The following RCL1 variants were observed in gnomAD, a reference collection of about 807,000 sequenced individuals.
RCL1 encodes the protein RNA 3'-terminal phosphate cyclase-like protein.
Under a neutral mutation model 42.4 loss-of-function variants are expected in RCL1, and 24 were observed. The ratio of observed to expected loss-of-function variants is 0.57; its 90% CI spans 0.41 to 0.80. The LOEUF is 0.80. RCL1 is among the 30% of genes least tolerant of loss of function. The pLI is 0.00. For missense variants in RCL1, 578 were observed against 467.9 expected (o/e 1.24, Z -2.17); for synonymous variants, 228 against 177.3 (o/e 1.29, Z -2.27).
intron 8 of RCL1, among the ~76,000 whole-genome samples, chr9:4,856,490 T>G (rs1245507800): frequency 6.6e-6 from 1 of 152,184 alleles, no homozygotes; most frequent in Non-Finnish European, 1.5e-5. Context: ...CTGAGAACCT[T>G]ATACAGTACC....
At chr9:4,855,097 C>T (rs977788935) in intron 8 of RCL1, among the ~76,000 whole-genome samples, 1 of 150,770 alleles carries the variant, frequency 6.6e-6, no homozygotes, top group Non-Finnish European at 1.5e-5. Flanking sequence ...CTCTGTGCTC[C>T]AGAATTCTCT....
At chr9:4,821,339 G>C (rs1816590211) in intron 1 of RCL1, among the ~76,000 whole-genome samples, 1 of 152,154 alleles carries the variant, frequency 6.6e-6, no homozygotes, top group South Asian at 2.1e-4. Context: ...CTGGTCATAT[G>C]ATCAGGGCAG....
intron 1 of RCL1, among the ~76,000 whole-genome samples, chr9:4,821,807 C>T (rs372980988): frequency 6.6e-6 from 1 of 152,216 alleles, no homozygotes; most frequent in African/African-American, 2.4e-5. Flanking sequence ...GCAGCCCACT[C>T]TTGTGATATA....
rs774361166 is a variant in RCL1 at position 4,826,990 on chromosome 9, A to C, written c.341A>C (p.Lys114Thr). The C allele has an allele frequency of 1.2e-6, 2 of 1,614,106 alleles. No individual in the cohort carries two copies. Among genetic ancestry groups the C allele is most frequent in the South Asian group, 2.2e-5 (2 of 91,072 alleles). Residue 114 changes from lysine (K) to threonine (T), a missense_variant, in exon 3 of 9, where the codon AAA becomes ACA. Lys to Thr is a moderately conservative substitution (Grantham distance 78). Transcript: ENST00000381750. Reference protein sequence around the residue: ...CLAPFMKHPLKIVLRGVTNDQ... With the variant: ...CLAPFMKHPLTIVLRGVTNDQ... ...GCTCCATTTATGAAGCACCCGTTAA[A>C]AATAGTTCTACGAGGAGTGACCAAT... is the stretch of plus-strand genomic sequence containing the variant.
At chr9:4,830,611 A>G (rs1220037643) in intron 3 of RCL1, among the ~76,000 whole-genome samples, 1 of 152,216 alleles carries the variant, frequency 6.6e-6, no homozygotes, top group African/African-American at 2.4e-5. Context: ...TGAAGATTCC[A>G]TTCTTTTCCA....
intron 8 of RCL1, among the ~76,000 whole-genome samples, chr9:4,851,064 T>A (rs2129716825): frequency 6.6e-6 from 1 of 152,318 alleles, no homozygotes; most frequent in Middle Eastern, 3.4e-3. Flanking sequence ...TCAATTTGGC[T>A]CCAGGACCTG....
chr9:4,839,552 TGCTTGGTCCAAAGGGTATGAGATTCAGG>T, intron 5 of RCL1: 1 of 500,926 alleles, frequency 2.0e-6, no homozygotes, highest in Non-Finnish European at 2.6e-6. Context: ...GGACAGCACC[TGCTTGGTCCAAAGGGTATGAGATTCAGG>T]ACTGTTTGTC....
chr9:4,850,035 G>GA (rs1817674065), intron 8 of RCL1, among the ~76,000 whole-genome samples: 1 of 152,218 alleles, frequency 6.6e-6, no homozygotes, highest in African/African-American at 2.4e-5. Context: ...TTGGATTGTT[G>GA]AATGTTAGCA....
chr9:4,854,909 C>T (rs183890963), intron 8 of RCL1, among the ~76,000 whole-genome samples: 10 of 152,096 alleles, frequency 6.6e-5, no homozygotes, highest in Non-Finnish European at 1.2e-4. Flanking sequence ...CAAAATTAGC[C>T]GGGCGTGGTG....
At chr9:4,804,555 G>A (rs1378867594) in intron 1 of RCL1, 1 of 152,472 alleles carries the variant, frequency 6.6e-6, no homozygotes, top group Non-Finnish European at 1.5e-5. Context: ...CAGTCGCCCA[G>A]GGGTCTCACG....
At chr9:4,829,487 T>C (rs1260032) in intron 3 of RCL1, among the ~76,000 whole-genome samples, 121,182 of 152,106 alleles carry the variant, frequency 0.8, 49,314 homozygotes, top group East Asian at 1. Context: ...TATTTTGGTC[T>C]TGTTCCCTGG....
rs56709677 is a variant in RCL1 at position 4,855,072 on chromosome 9, A to AAC, written c.972-5052_972-5051insCA. ...CGTCTCAAAAAAAAAAAAAAAAAAA[A>AAC]ATAGGAAAAGTTATCTCTGTGCTCC... On this transcript the variant is annotated intron_variant, in intron 8 of 8. Coordinates refer to ENST00000381750, the MANE Select transcript of RCL1 (RefSeq NM_005772.5). Among the ~76,000 whole-genome samples, 47 of 140,668 alleles carry AAC rather than the reference A, an allele frequency of 3.3e-4. 1 individual carries two copies. Among genetic ancestry groups the AAC allele is most frequent in the African/African-American group, 1.0e-3 (38 of 37,592 alleles). 92.3% of individuals were successfully genotyped at this position (140,668 alleles called of 152,430 possible). A position where few individuals can be genotyped will look rare whatever the true frequency, so the allele number is the denominator to read the frequency against.
chr9:4,818,121 ATG>A (rs1368867054), intron 1 of RCL1, among the ~76,000 whole-genome samples: 1 of 151,586 alleles, frequency 6.6e-6, no homozygotes, highest in Non-Finnish European at 1.5e-5. Flanking sequence ...GGGTGTCACC[ATG>A]TTGGCCAGGC....
intron 1 of RCL1, among the ~76,000 whole-genome samples, chr9:4,801,582 T>G (rs1297341522): frequency 2.0e-5 from 3 of 152,226 alleles, no homozygotes; most frequent in Non-Finnish European, 4.4e-5. Context: ...CTTATTATCT[T>G]AATATGGTTT....
intron 1 of RCL1, among the ~76,000 whole-genome samples, chr9:4,800,652 A>AT (rs35340693): frequency 0.21 from 25,911 of 123,864 alleles, 2,898 homozygotes; most frequent in South Asian, 0.35. Flanking sequence ...GTGTGGATGT[A>AT]TTTTTTTTTT....
chr9:4,827,800 A>T (rs986117299), intron 3 of RCL1, among the ~76,000 whole-genome samples: 29 of 149,286 alleles, frequency 1.9e-4, no homozygotes, highest in Non-Finnish European at 4.0e-4. Context: ...GAGATTAGAG[A>T]AGTCTAGAGA....
intron 4 of RCL1, 56 bp downstream of exon 4, chr9:4,833,284 A>G (rs1369787011): frequency 7.6e-7 from 1 of 1,309,050 alleles, no homozygotes; most frequent in East Asian, 2.3e-5. Flanking sequence ...TTTCCCACTG[A>G]CTCATTGGAA....
chr9:4,797,751 A>G (rs758949690), intron 1 of RCL1, among the ~76,000 whole-genome samples: 2 of 152,200 alleles, frequency 1.3e-5, no homozygotes, highest in Non-Finnish European at 2.9e-5. Context: ...CAAGAAGACT[A>G]CACAAGGATT....
Position 4,844,691 on chromosome 9 carries a change from C to A in RCL1, c.867+10C>A. On this transcript the variant is annotated intron_variant, in intron 7 of 8. Transcript: ENST00000381750. ...GGAGGAAATCTACAGGGTATGTCCA[C>A]AGCTTCCTCTGATAGAGGAGTGACC... 6.2e-7 allele frequency: 1 copy of A among 1,607,552 alleles called. No homozygotes were observed. The highest frequency in any genetic ancestry group is 8.5e-7 in the Non-Finnish European group (1 of 1,177,628).
Sources: gnomAD v4.1 joint callset for allele counts (sites outside exome capture counted in the v4.1 genomes callset) on GRCh38, gnomAD v4.1.1 for gene constraint, MANE v1.5 for transcripts, NCBI Gene and HGNC (gene_info 2026-07-23, HGNC 2026-07-21) for gene names.